The following KCMF1 variants were observed in gnomAD, a reference collection of about 807,000 sequenced individuals.
KCMF1 encodes the protein potassium channel modulatory factor 1.
A neutral mutation model predicts 41.1 loss-of-function variants in KCMF1; 3 were observed. The ratio of observed to expected loss-of-function variants is 0.07; its 90% CI spans 0.03 to 0.19. The LOEUF is 0.19. KCMF1 is among the 10% of genes least tolerant of loss of function. The pLI is 1.00. For synonymous variants in KCMF1, 142 were observed against 164.5 expected (o/e 0.86, Z 1.04); for missense variants, 286 against 488.9 (o/e 0.58, Z 3.91).
chr2:85,028,483 CTTTTTTT>C (rs398042498), intron 2 of KCMF1, among the ~76,000 whole-genome samples: 1 of 47,236 alleles, frequency 2.1e-5, no homozygotes, highest in African/African-American at 9.8e-5. Context: ...CTGTGCCTGG[CTTTTTTT>C]TTTTTTTTTT....
chr2:85,052,367 G>A (rs1179797693), intron 6 of KCMF1, among the ~76,000 whole-genome samples: 3 of 152,274 alleles, frequency 2.0e-5, no homozygotes. Flanking sequence ...CACCGTGCCT[G>A]GCCAGATCTA....
At chr2:85,006,911 C>T (rs960125129) in intron 1 of KCMF1, among the ~76,000 whole-genome samples, 1 of 151,466 alleles carries the variant, frequency 6.6e-6, no homozygotes, top group South Asian at 2.1e-4. Context: ...GAGTTTGAGA[C>T]CAGGCTGACC....
chr2:85,022,989 G>A (rs548588586), intron 1 of KCMF1, among the ~76,000 whole-genome samples: 2 of 145,992 alleles, frequency 1.4e-5, no homozygotes, highest in Admixed American at 1.4e-4. Context: ...CTGGGTTCAC[G>A]CCATTCTCCT....
chr2:85,004,527 T>A (rs932235105), intron 1 of KCMF1, among the ~76,000 whole-genome samples: 9 of 149,272 alleles, frequency 6.0e-5, no homozygotes, highest in African/African-American at 1.5e-4. Context: ...AAAATAATAA[T>A]AAAAAAAAAG....
At chr2:85,017,997 C>T (rs1674825129) in intron 1 of KCMF1, among the ~76,000 whole-genome samples, 1 of 152,064 alleles carries the variant, frequency 6.6e-6, no homozygotes, top group Non-Finnish European at 1.5e-5. Flanking sequence ...AAGATATATG[C>T]TGATAATATG....
chr2:85,005,385 G>T (rs7594563), intron 1 of KCMF1, among the ~76,000 whole-genome samples: 2,675 of 151,790 alleles, frequency 0.018, 65 homozygotes, highest in African/African-American at 0.061. Flanking sequence ...GCCTATTGGG[G>T]TCATGCCATT....
At chr2:85,009,063 T>G (rs1387548376) in intron 1 of KCMF1, among the ~76,000 whole-genome samples, 3 of 152,130 alleles carry the variant, frequency 2.0e-5, no homozygotes, top group Non-Finnish European at 4.4e-5. Flanking sequence ...ATGTTATGGT[T>G]TGGCTCTGTA....
chr2:85,048,115 AAAAAAG>A (rs200069397), intron 5 of KCMF1, among the ~76,000 whole-genome samples: 1,861 of 152,304 alleles, frequency 0.012, 49 homozygotes, highest in African/African-American at 0.043. Context: ...ATAAAAATTT[AAAAAAG>A]AAAAACAACC....
At chr2:84,988,267 G>T (rs1422301233) in intron 1 of KCMF1, among the ~76,000 whole-genome samples, 1 of 151,982 alleles carries the variant, frequency 6.6e-6, no homozygotes, top group Non-Finnish European at 1.5e-5. Flanking sequence ...GGGAATGGGG[G>T]TGGGAAGTAG....
Position 85,025,582 on chromosome 2 carries a change from G to T in KCMF1, c.17-2307G>T, listed in dbSNP as rs568080183. Among the ~76,000 whole-genome samples the T allele has an allele frequency of 3.3e-5, 5 of 152,026 alleles. No homozygotes were observed. The South Asian group carries it at 1.0e-3, about 32-fold the overall frequency. On this transcript the variant is annotated intron_variant, in intron 1 of 6. Transcript: ENST00000409785. ...TTCTACTTTCCTTCTCTTTGAATTT[G>T]GCACATCTCGATGGAATCACAAATG...
chr2:84,998,930 C>T (rs1049321746), intron 1 of KCMF1, among the ~76,000 whole-genome samples: 1 of 75,288 alleles, frequency 1.3e-5, no homozygotes. Flanking sequence ...ATCTATCTAT[C>T]TATCTATCTA....
At chr2:85,012,046 G>A (rs750807851) in intron 1 of KCMF1, among the ~76,000 whole-genome samples, 6 of 152,176 alleles carry the variant, frequency 3.9e-5, no homozygotes, top group Admixed American at 6.6e-5. Context: ...ACTAACCATC[G>A]ACCAACTTTA....
chr2:84,998,113 C>T (rs879486511), intron 1 of KCMF1, among the ~76,000 whole-genome samples: 22 of 151,608 alleles, frequency 1.5e-4, no homozygotes, highest in African/African-American at 4.1e-4. Context: ...ATTTTTGAGA[C>T]GGAGTTTCTC....
At chr2:84,981,062 A>G (rs1673731580) in intron 1 of KCMF1, among the ~76,000 whole-genome samples, 1 of 105,388 alleles carries the variant, frequency 9.5e-6, no homozygotes, top group Non-Finnish European at 1.9e-5. Context: ...TGCTACTAGA[A>G]AAAAAAAAAC....
At chr2:84,974,697 T>A (rs1377854761) in intron 1 of KCMF1, among the ~76,000 whole-genome samples, 138 of 53,530 alleles carry the variant, frequency 2.6e-3, no homozygotes, top group African/African-American at 3.2e-3. Context: ...ATATATTTTT[T>A]TTTTTTTTTT....
rs529049548 is a variant in KCMF1, at chr2:84,998,921, T to C, written c.16+27454T>C. ...CCCACTGTGCTGGGCCTCTTACCTA[T>C]CTATCTATCTATCTATCTATCTATC... On this transcript the variant is annotated intron_variant, in intron 1 of 6. Transcript: ENST00000409785. 1.4e-4 allele frequency among the ~76,000 whole-genome samples: 6 copies of C among 43,872 alleles called. No individual in the cohort carries two copies. The East Asian group carries it at 0.015, about 107-fold the overall frequency. 28.8% of individuals were successfully genotyped at this position (43,872 alleles called of 152,430 possible). A position where few individuals can be genotyped will look rare whatever the true frequency, so the allele number is the denominator to read the frequency against.
chr2:84,995,271 T>G (rs1192850298), intron 1 of KCMF1, among the ~76,000 whole-genome samples: 1 of 151,904 alleles, frequency 6.6e-6, no homozygotes, highest in Non-Finnish European at 1.5e-5. Context: ...CCACCCACCT[T>G]GGCCTCCCAA....
rs566091604 is a variant in KCMF1, at chr2:85,004,925, T to C, written c.17-22964T>C. On this transcript the variant is annotated intron_variant, in intron 1 of 6. Transcript: ENST00000409785. Reference sequence around the variant, plus strand: ...ATTTCAGCTCACTGCAACCTCCGCCTCCCGGATTCAAGTGATTCTCCTGCC... The same window carrying C: ...ATTTCAGCTCACTGCAACCTCCGCCCCCCGGATTCAAGTGATTCTCCTGCC... Among the ~76,000 whole-genome samples, 3 of 152,104 alleles carry C rather than the reference T, an allele frequency of 2.0e-5. No individual in the cohort carries two copies. The South Asian group carries it at 6.2e-4, about 32-fold the overall frequency.
chr2:85,008,258 T>TATA (rs1558573247), intron 1 of KCMF1, among the ~76,000 whole-genome samples: 9 of 112,898 alleles, frequency 8.0e-5, no homozygotes, highest in African/African-American at 2.7e-4. Flanking sequence ...ATATATATTA[T>TATA]ATATCATATA....
Sources: allele counts gnomAD v4.1 joint callset (sites outside exome capture counted in the v4.1 genomes callset), GRCh38; gene constraint gnomAD v4.1.1; transcripts MANE v1.5; gene names NCBI Gene and HGNC (gene_info 2026-07-23, HGNC 2026-07-21).